RAB30: variants seen among roughly 807,000 people sequenced by gnomAD.
RAB30 encodes RAB30, member RAS oncogene family.
Under a neutral mutation model 25.1 loss-of-function variants are expected in RAB30, and 9 were observed. The ratio of observed to expected loss-of-function variants is 0.36; its 90% CI spans 0.22 to 0.63. The LOEUF (loss-of-function observed/expected upper bound fraction) is 0.63, where lower values mean the gene tolerates loss of function less well. Ranked by LOEUF, RAB30 falls within the 20% of genes least tolerant of loss-of-function variation. The probability of loss-of-function intolerance (pLI) is 0.69; values close to 1 mark genes in which losing one functional copy is unlikely to be tolerated. For missense variants in RAB30, 140 were observed against 243.5 expected (o/e 0.58, Z 2.83); for synonymous variants, 77 against 86.4 (o/e 0.89, Z 0.60).
intron 1 of RAB30, among the ~76,000 whole-genome samples, chr11:83,021,600 G>A (rs1395305007): frequency 1.3e-5 from 2 of 152,224 alleles, no homozygotes; most frequent in Non-Finnish European, 2.9e-5. Flanking sequence ...ACCTCTCTCT[G>A]CTCCACGCCT....
intron 1 of RAB30, among the ~76,000 whole-genome samples, chr11:83,001,760 A>T (rs970992389): frequency 2.6e-5 from 4 of 152,162 alleles, no homozygotes; most frequent in Non-Finnish European, 5.9e-5. Flanking sequence ...CCCATTCAAA[A>T]GCATTTACAC....
intron 1 of RAB30, among the ~76,000 whole-genome samples, chr11:83,067,585 C>T (rs1858732194): frequency 6.6e-6 from 1 of 152,204 alleles, no homozygotes; most frequent in Non-Finnish European, 1.5e-5. Flanking sequence ...TTCTCTTTCT[C>T]TGAAAACGTC....
chr11:83,057,201 G>GTT (rs535383170), intron 1 of RAB30, among the ~76,000 whole-genome samples: 2 of 138,360 alleles, frequency 1.4e-5, no homozygotes, highest in African/African-American at 2.6e-5. Context: ...TCACTTGAGG[G>GTT]TTTTTTTTTT....
chr11:83,031,761 A>T (rs1056509310), intron 1 of RAB30, among the ~76,000 whole-genome samples: 2 of 152,202 alleles, frequency 1.3e-5, no homozygotes, highest in Non-Finnish European at 2.9e-5. Flanking sequence ...TCCCAACTTC[A>T]GGTGATCCGC....
intron 1 of RAB30, among the ~76,000 whole-genome samples, chr11:83,003,491 C>T (rs1857128886): frequency 6.6e-6 from 1 of 152,204 alleles, no homozygotes. Flanking sequence ...GGCGCGATCT[C>T]GGCTCACCGC....
chr11:83,043,401 G>A lies in RAB30; in HGVS notation c.-9+28290C>T, dbSNP rs76377816. ...ATTAGAAGAACCACCCAACTGGCCC[G>A]TGGAATTATGAGCACTAATAAACTG... On this transcript the variant is annotated intron_variant, in intron 1 of 4. Coordinates refer to ENST00000527633, the MANE Select transcript of RAB30 (RefSeq NM_001286060.2). Among the ~76,000 whole-genome samples, 43 of 152,312 alleles carry A rather than the reference G, an allele frequency of 2.8e-4. No homozygotes were observed. In the East Asian group the frequency reaches 3.1e-3, roughly 11 times the overall value.
chr11:83,005,520 T>C (rs969251364), intron 1 of RAB30, among the ~76,000 whole-genome samples: 7 of 152,236 alleles, frequency 4.6e-5, no homozygotes, highest in Admixed American at 3.9e-4. Flanking sequence ...GTGCCTGGAT[T>C]CAAAACCCAG....
chr11:83,050,168 A>T (rs1858325307), intron 1 of RAB30, among the ~76,000 whole-genome samples: 1 of 152,024 alleles, frequency 6.6e-6, no homozygotes, highest in Admixed American at 6.5e-5. Flanking sequence ...GAGGCTGAGG[A>T]CTACTTGAGC....
intron 1 of RAB30, among the ~76,000 whole-genome samples, chr11:83,019,049 CAG>C (rs1857504458): frequency 6.6e-6 from 1 of 152,178 alleles, no homozygotes; most frequent in East Asian, 1.9e-4. Flanking sequence ...TGTTTTGAGA[CAG>C]AGTCTCACTC....
At chr11:83,014,570 G>A (rs892868987) in intron 1 of RAB30, among the ~76,000 whole-genome samples, 1 of 147,640 alleles carries the variant, frequency 6.8e-6, no homozygotes, top group Non-Finnish European at 1.5e-5. Context: ...AGAGACAGGG[G>A]GAGACAGAAG....
intron 1 of RAB30, chr11:83,039,218 T>G (rs1466668743): frequency 6.6e-6 from 1 of 152,354 alleles, no homozygotes; most frequent in African/African-American, 2.4e-5. Context: ...GAATGAATGA[T>G]TCCAATGAAT....
At chr11:82,997,449 C>A (rs1011666704) in intron 1 of RAB30, 125 bp from the exon 2 acceptor site, 1 of 660,604 alleles carries the variant, frequency 1.5e-6, no homozygotes, top group Non-Finnish European at 2.7e-6. Context: ...TTAAAGCTCC[C>A]CTCCGGTGAC....
At position 82,979,529 on chromosome 11, in the gene RAB30, A is replaced by G. The variant is rs1856604088; in HGVS notation, c.*2636T>C. ...GGCCTGGGTTAAGATGACTGTATTT[A>G]GTGTCCTTTCTCAAGTTCTACTTGA... is the stretch of plus-strand genomic sequence containing the variant. On this transcript the variant is annotated 3_prime_UTR_variant, in exon 5 of 5. Coordinates refer to ENST00000527633, the MANE Select transcript of RAB30 (RefSeq NM_001286060.2). The G allele has an allele frequency of 6.6e-6, 1 of 152,204 alleles. No individual in the cohort carries two copies. Among genetic ancestry groups the G allele is most frequent in the African/African-American group, 2.4e-5 (1 of 41,454 alleles). 9.4% of individuals were successfully genotyped at this position (152,204 alleles called of 1,614,324 possible).
Position 83,058,640 on chromosome 11 carries a change from G to A in RAB30, c.-9+13051C>T, listed in dbSNP as rs1024437085. ...GATTTGTCCCATCACTGGTGTAAAC[G>A]TTGATCACTTAAAGTGGTGTCTGCC... On this transcript the variant is annotated intron_variant, in intron 1 of 4. Transcript: ENST00000527633. Among the ~76,000 whole-genome samples the A allele has an allele frequency of 5.3e-5, 8 of 152,380 alleles. No individual in the cohort carries two copies. In the South Asian group the frequency reaches 1.0e-3, roughly 20 times the overall value.
chr11:83,061,192 G>A (rs766228309), intron 1 of RAB30, among the ~76,000 whole-genome samples: 5 of 151,936 alleles, frequency 3.3e-5, no homozygotes, highest in African/African-American at 9.7e-5. Flanking sequence ...CGAGCCTATC[G>A]CCCTAACAAA....
chr11:83,013,870 C>G (rs1306394118), intron 1 of RAB30, among the ~76,000 whole-genome samples: 1 of 152,234 alleles, frequency 6.6e-6, no homozygotes, highest in African/African-American at 2.4e-5. Context: ...GTGCTAGACA[C>G]AGACCTATCC....
chr11:83,023,751 G>T (rs1343537354), intron 1 of RAB30, among the ~76,000 whole-genome samples: 1 of 152,140 alleles, frequency 6.6e-6, no homozygotes, highest in Non-Finnish European at 1.5e-5. Context: ...AATTTTGCCA[G>T]CCTCAATTCT....
intron 1 of RAB30, among the ~76,000 whole-genome samples, chr11:83,056,566 C>A (rs974777855): frequency 6.6e-6 from 1 of 152,132 alleles, no homozygotes; most frequent in Non-Finnish European, 1.5e-5. Context: ...TCAATAAATA[C>A]TTATCAAGTA....
chr11:82,984,013 T>C (rs1004829250), intron 4 of RAB30, among the ~76,000 whole-genome samples: 2 of 152,158 alleles, frequency 1.3e-5, no homozygotes, highest in African/African-American at 4.8e-5. Context: ...TAAGTAAAAT[T>C]TCTGCAGTCC....
Sources: gnomAD v4.1 joint callset for allele counts (sites outside exome capture counted in the v4.1 genomes callset) on GRCh38, gnomAD v4.1.1 for gene constraint, MANE v1.5 for transcripts, NCBI Gene and HGNC (gene_info 2026-07-23, HGNC 2026-07-21) for gene names.